Variants in ERG observed in about 807,000 individuals in gnomAD.
ERG encodes transcriptional regulator ERG.
A neutral mutation model predicts 55.3 loss-of-function variants in ERG; 9 were observed. That is an observed-to-expected ratio of 0.16 (90% CI 0.10 to 0.28). The LOEUF (loss-of-function observed/expected upper bound fraction) is 0.28. ERG is among the 10% of genes least tolerant of loss of function. The pLI, the probability that ERG is intolerant of heterozygous loss-of-function variation, is 1.00. For missense variants in ERG, 434 were observed against 631.6 expected (o/e 0.69, Z 3.35); for synonymous variants, 223 against 237.3 (o/e 0.94, Z 0.55).
chr21:38,623,824 A>G (rs77217054), intron 1 of ERG, among the ~76,000 whole-genome samples: 2,985 of 152,346 alleles, frequency 0.02, 39 homozygotes, highest in East Asian at 0.051. Flanking sequence ...GCATCATTCC[A>G]TAAATAAACA....
downstream of ERG, chr21:38,379,967 AG>A (rs1399499987): frequency 3.0e-6 from 3 of 987,288 alleles, no homozygotes; most frequent in African/African-American, 1.7e-5. Flanking sequence ...TTGGGATTAC[AG>A]GTGTGAGTCA....
At chr21:38,551,415 T>C (rs1379093584) in intron 2 of ERG, among the ~76,000 whole-genome samples, 1 of 152,200 alleles carries the variant, frequency 6.6e-6, no homozygotes, top group Non-Finnish European at 1.5e-5. Context: ...CTCTTGTTTT[T>C]TCTAGTTCCT....
chr21:38,424,459 G>A (rs538659384), intron 2 of ERG, among the ~76,000 whole-genome samples: 33 of 152,294 alleles, frequency 2.2e-4, no homozygotes, highest in African/African-American at 7.2e-4. Context: ...CAAGGGAGGC[G>A]GAACTACCAC....
intron 1 of ERG, among the ~76,000 whole-genome samples, chr21:38,596,631 C>T (rs1448253497): frequency 6.6e-6 from 1 of 152,210 alleles, no homozygotes; most frequent in East Asian, 1.9e-4. Flanking sequence ...CAGGTACATG[C>T]AAGCTAATAT....
At chr21:38,581,761 C>T (rs771415971) in intron 1 of ERG, among the ~76,000 whole-genome samples, 3 of 151,892 alleles carry the variant, frequency 2.0e-5, no homozygotes, top group South Asian at 2.1e-4. Flanking sequence ...GGGACAGAGG[C>T]GGCCAGGCGC....
At chr21:38,428,041 G>A (rs574518557) in intron 2 of ERG, among the ~76,000 whole-genome samples, 1 of 151,766 alleles carries the variant, frequency 6.6e-6, no homozygotes, top group East Asian at 2.0e-4. Context: ...AAATTAGTCG[G>A]GCATGGTGTG....
the ERG span, among the ~76,000 whole-genome samples, chr21:38,371,470 GC>G: frequency 3.3e-5 from 5 of 151,930 alleles, no homozygotes; most frequent in Admixed American, 6.6e-5. Flanking sequence ...CAAAGAAAAT[GC>G]TTTTAATTAT....
At chr21:38,449,417 C>A (rs192831955) in intron 1 of ERG, among the ~76,000 whole-genome samples, 2 of 152,186 alleles carry the variant, frequency 1.3e-5, no homozygotes, top group African/African-American at 4.8e-5. Flanking sequence ...TTGATTATTT[C>A]ATTTCAATAC....
chr21:38,491,486 T>C (rs2059335628), intron 1 of ERG, among the ~76,000 whole-genome samples: 1 of 152,248 alleles, frequency 6.6e-6, no homozygotes, highest in African/African-American at 2.4e-5. Flanking sequence ...CATAAAGTTA[T>C]TATATTTTCA....
rs560843396 is a variant in ERG, at chr21:38,556,433, A to G, written c.-41+19229T>C. Among the ~76,000 whole-genome samples, 8 of 152,282 alleles carry G rather than the reference A, an allele frequency of 5.3e-5. No homozygotes were observed. The East Asian group carries it at 1.5e-3, about 29-fold the overall frequency. ...TATTTTGTAGTCACCCAAGGAGAGA[A>G]GAAGTCACATCTCTGGAGATAGGAG... On this transcript the variant is annotated intron_variant, in intron 2 of 8. Transcript: ENST00000398897.
At chr21:38,640,792 C>A (rs531584265) in intron 1 of ERG, among the ~76,000 whole-genome samples, 10 of 152,060 alleles carry the variant, frequency 6.6e-5, no homozygotes, top group African/African-American at 2.2e-4. Context: ...CTCATGAAAA[C>A]GCAGTGATGT....
chr21:38,622,825 C>A (rs918227180), intron 1 of ERG, among the ~76,000 whole-genome samples: 47 of 148,780 alleles, frequency 3.2e-4, no homozygotes, highest in Non-Finnish European at 2.5e-4. Flanking sequence ...ATACACCACA[C>A]ATACACACCA....
chr21:38,406,657 AT>A (rs577597991), intron 3 of ERG, among the ~76,000 whole-genome samples: 43 of 147,716 alleles, frequency 2.9e-4, no homozygotes, highest in Middle Eastern at 3.5e-3. Flanking sequence ...TGGGAGGACT[AT>A]TTTTTTTTTA....
chr21:38,461,525 A>T (rs1322819526), intron 1 of ERG, among the ~76,000 whole-genome samples: 1 of 152,176 alleles, frequency 6.6e-6, no homozygotes, highest in Non-Finnish European at 1.5e-5. Flanking sequence ...TGCCTAGCAC[A>T]GTGCCAGGTA....
chr21:38,602,300 C>T (rs1334176329), intron 1 of ERG, among the ~76,000 whole-genome samples: 5 of 151,936 alleles, frequency 3.3e-5, no homozygotes, highest in African/African-American at 7.3e-5. Flanking sequence ...AAAAAATTAG[C>T]TGGGCATGGC....
At chr21:38,399,722 T>C (rs1988397104) in intron 6 of ERG, among the ~76,000 whole-genome samples, 1 of 152,224 alleles carries the variant, frequency 6.6e-6, no homozygotes, top group African/African-American at 2.4e-5. Context: ...ATGCCTTTCA[T>C]GGGGGATTGA....
chr21:38,415,864 G>A (rs112908429), intron 3 of ERG, among the ~76,000 whole-genome samples: 120 of 152,134 alleles, frequency 7.9e-4, no homozygotes, highest in African/African-American at 2.7e-3. Context: ...CCTCCACACA[G>A]AATCCAAGTG....
At position 38,380,338 on chromosome 21, in the gene ERG, C is replaced by T; in HGVS notation, c.*3065G>A. On this transcript the variant is annotated 3_prime_UTR_variant, in exon 10 of 10. Coordinates refer to ENST00000288319, the MANE Select transcript of ERG (RefSeq NM_182918.4). ...AGAAGGCTTAGGAGAAGCAGTGAGCCTTCTAACTGCAGCAGTCCTGACAAA... is the reference window on the plus strand; with the variant it reads ...AGAAGGCTTAGGAGAAGCAGTGAGCTTTCTAACTGCAGCAGTCCTGACAAA... 9.4e-7 allele frequency: 1 copy of T among 1,058,548 alleles called. No homozygotes were observed. Among genetic ancestry groups the T allele is most frequent in the Non-Finnish European group, 1.1e-6 (1 of 875,054 alleles). The allele number at this position is 1,058,548 out of a possible 1,614,324, so 65.6% of individuals were successfully genotyped here.
intron 2 of ERG, among the ~76,000 whole-genome samples, chr21:38,521,731 T>C (rs1321806903): frequency 6.6e-6 from 1 of 152,214 alleles, no homozygotes; most frequent in Non-Finnish European, 1.5e-5. Context: ...GACACAATGG[T>C]GACAAAGCTC....
Sources: allele counts gnomAD v4.1 joint callset (sites outside exome capture counted in the v4.1 genomes callset), GRCh38; gene constraint gnomAD v4.1.1; transcripts MANE v1.5; gene names NCBI Gene and HGNC (gene_info 2026-07-23, HGNC 2026-07-21).